TMEM245: variants seen among roughly 807,000 people sequenced by gnomAD.
The protein encoded by TMEM245 is protein CG-2.
In TMEM245, 69 loss-of-function variants were observed where a neutral mutation model predicts 101.2. The observed-to-expected ratio is 0.68, with a 90% CI of 0.56 to 0.83. The LOEUF (loss-of-function observed/expected upper bound fraction) is 0.83. Among genes scored for constraint, TMEM245 ranks in the 40% least tolerant of loss-of-function variants. The probability of loss-of-function intolerance (pLI) is 0.00; values close to 1 mark genes in which losing one functional copy is unlikely to be tolerated. For missense variants in TMEM245, 1,075 were observed against 1,092.8 expected (o/e 0.98, Z 0.23); for synonymous variants, 537 against 449.8 (o/e 1.19, Z -2.45).
At chr9:109,118,429 C>G (rs1014133286) in intron 1 of TMEM245, among the ~76,000 whole-genome samples, 4 of 152,212 alleles carry the variant, frequency 2.6e-5, no homozygotes, top group Non-Finnish European at 5.9e-5. Context: ...TTCTTACGCA[C>G]TAAATCTCCA....
chr9:109,105,558 A>G (rs1473092822), intron 3 of TMEM245, among the ~76,000 whole-genome samples: 1 of 152,266 alleles, frequency 6.6e-6, no homozygotes, highest in Non-Finnish European at 1.5e-5. Context: ...AGTTCATAGC[A>G]GCACTATTCA....
intron 17 of TMEM245, among the ~76,000 whole-genome samples, chr9:109,028,319 A>G (rs568777788): frequency 5.3e-5 from 8 of 151,780 alleles, no homozygotes; most frequent in Non-Finnish European, 1.0e-4. Context: ...GCGTAGTGGC[A>G]TGAACCTACC....
chr9:109,084,857 C>A (rs1294228325), intron 7 of TMEM245, among the ~76,000 whole-genome samples: 1 of 152,120 alleles, frequency 6.6e-6, no homozygotes, highest in Non-Finnish European at 1.5e-5. Flanking sequence ...TTATTTTACA[C>A]AATGCTTCCT....
intron 10 of TMEM245, among the ~76,000 whole-genome samples, chr9:109,062,840 C>T (rs1033559325): frequency 2.0e-5 from 3 of 152,034 alleles, no homozygotes; most frequent in Non-Finnish European, 2.9e-5. Flanking sequence ...CATGGTGGTG[C>T]ATGCCTGTAG....
intron 3 of TMEM245, among the ~76,000 whole-genome samples, chr9:109,098,757 T>A (rs1830207238): frequency 6.6e-6 from 1 of 152,088 alleles, no homozygotes; most frequent in Non-Finnish European, 1.5e-5. Flanking sequence ...CATCCAAGGT[T>A]TCAGGTATCA....
chr9:109,047,057 C>T (rs1325172355), intron 14 of TMEM245, among the ~76,000 whole-genome samples: 2 of 152,116 alleles, frequency 1.3e-5, no homozygotes, highest in African/African-American at 4.8e-5. Flanking sequence ...CTTGATATAG[C>T]TTTGGTTAGA....
chr9:109,099,728 G>T (rs745939192), intron 3 of TMEM245, among the ~76,000 whole-genome samples: 1 of 152,144 alleles, frequency 6.6e-6, no homozygotes, highest in Non-Finnish European at 1.5e-5. Flanking sequence ...GACGCCAAGG[G>T]AACATACTGA....
At chr9:109,025,638 G>A (rs1827770010) in intron 17 of TMEM245, among the ~76,000 whole-genome samples, 1 of 152,170 alleles carries the variant, frequency 6.6e-6, no homozygotes, top group Non-Finnish European at 1.5e-5. Context: ...AATATTCAGA[G>A]ACTGCTGCTC....
At chr9:109,024,156 A>C (rs1285417298) in intron 17 of TMEM245, among the ~76,000 whole-genome samples, 2 of 152,192 alleles carry the variant, frequency 1.3e-5, no homozygotes, top group African/African-American at 4.8e-5. Flanking sequence ...TGGATGCCTG[A>C]AAGTTGTAAC....
Position 109,057,171 on chromosome 9 carries a change from C to A in TMEM245, c.1854+20G>T, listed in dbSNP as rs1252920644. ...GTTTTTATTTTGAACTTCAGCTTAA[C>A]TATAAATGCTATTTCTTACCGAAAG... On this transcript the variant is annotated intron_variant, in intron 12 of 17. Transcript: ENST00000374586. 6.2e-7 allele frequency: 1 copy of A among 1,607,448 alleles called. No individual in the cohort carries two copies. Among genetic ancestry groups the A allele is most frequent in the South Asian group, 1.1e-5 (1 of 89,896 alleles).
intron 8 of TMEM245, 107 bp from the exon 9 acceptor site, chr9:109,073,545 TAC>T (rs1452474477): frequency 3.1e-5 from 24 of 777,232 alleles, no homozygotes; most frequent in Non-Finnish European, 4.8e-5. Flanking sequence ...GCCAAATAAA[TAC>T]ACATCTTTGC....
In TMEM245 at chr9:109,036,145, A is replaced by G. The variant is rs978554689; in HGVS notation, c.2399+61T>C. 1.1e-5 allele frequency: 12 copies of G among 1,124,620 alleles called. No individual in the cohort carries two copies. In the Admixed American group the frequency reaches 1.5e-4, roughly 14 times the overall value. The allele number at this position is 1,124,620 out of a possible 1,614,324, so 69.7% of individuals were successfully genotyped here. A position where few individuals can be genotyped will look rare whatever the true frequency, so the allele number is the denominator to read the frequency against. Reference sequence around the variant, plus strand: ...CCCAGGAGAAAAAAATCCTCCTTTAAAAAAAAAAAAACGGAAATGCCTGGA... The same window carrying G: ...CCCAGGAGAAAAAAATCCTCCTTTAGAAAAAAAAAAACGGAAATGCCTGGA... On this transcript the variant is annotated intron_variant, in intron 16 of 17. Transcript: ENST00000374586.
At chr9:109,032,004 A>G (rs1368073534) in intron 17 of TMEM245, among the ~76,000 whole-genome samples, 1 of 152,180 alleles carries the variant, frequency 6.6e-6, no homozygotes, top group Non-Finnish European at 1.5e-5. Context: ...ACAATTAACA[A>G]CCATATGTCT....
At chr9:109,051,524 C>T (rs1828685271) in intron 12 of TMEM245, among the ~76,000 whole-genome samples, 1 of 152,140 alleles carries the variant, frequency 6.6e-6, no homozygotes, top group South Asian at 2.1e-4. Flanking sequence ...ATACAACCTA[C>T]TACTCCTAAA....
intron 3 of TMEM245, among the ~76,000 whole-genome samples, chr9:109,097,961 G>C (rs1041545488): frequency 6.6e-6 from 1 of 152,108 alleles, no homozygotes; most frequent in Non-Finnish European, 1.5e-5. Context: ...TGGGTATGTA[G>C]GAAGTACTCA....
intron 5 of TMEM245, among the ~76,000 whole-genome samples, chr9:109,087,971 G>C (rs150318672): frequency 9.6e-4 from 146 of 152,330 alleles, no homozygotes; most frequent in Middle Eastern, 3.4e-3. Context: ...GGCAACTTCA[G>C]TGGGGACCAC....
intron 3 of TMEM245, among the ~76,000 whole-genome samples, chr9:109,096,438 T>C (rs974358776): frequency 2.6e-5 from 4 of 152,156 alleles, no homozygotes; most frequent in Non-Finnish European, 4.4e-5. Context: ...GATCGTATTA[T>C]TGAGCTGAGA....
intron 17 of TMEM245, among the ~76,000 whole-genome samples, chr9:109,020,984 G>T (rs1374269568): frequency 1.3e-5 from 2 of 152,160 alleles, no homozygotes; most frequent in African/African-American, 4.8e-5. Context: ...TAAGGGATGT[G>T]GTTCAGTGCA....
chr9:109,050,763 C>G, intron 12 of TMEM245, 71 bp from the exon 13 acceptor site: 1 of 1,559,754 alleles, frequency 6.4e-7, no homozygotes, highest in Non-Finnish European at 8.7e-7. Context: ...ATCTAGTGTG[C>G]TTTTAATACA....
Sources: gnomAD v4.1 joint callset for allele counts (sites outside exome capture counted in the v4.1 genomes callset) on GRCh38, gnomAD v4.1.1 for gene constraint, MANE v1.5 for transcripts, NCBI Gene and HGNC (gene_info 2026-07-23, HGNC 2026-07-21) for gene names.